FBXO33: variants seen among roughly 807,000 people sequenced by gnomAD.
The protein encoded by FBXO33 is F-box only protein 33.
Under a neutral mutation model 46.3 loss-of-function variants are expected in FBXO33, and 22 were observed. The ratio of observed to expected loss-of-function variants is 0.48; its 90% CI spans 0.34 to 0.68. FBXO33 has a LOEUF of 0.68. FBXO33 is among the 30% of genes least tolerant of loss of function. The pLI is 0.01. For synonymous variants in FBXO33, 337 were observed against 291.3 expected, an observed-to-expected ratio of 1.16 and a Z score of -1.60; for missense variants, 692 against 708.8, an observed-to-expected ratio of 0.98 and a Z score of 0.27.
intron 1 of FBXO33, among the ~76,000 whole-genome samples, chr14:39,428,587 A>G (rs968533787): frequency 1.3e-5 from 2 of 152,204 alleles, no homozygotes; most frequent in African/African-American, 4.8e-5. Flanking sequence ...ACATTTATAC[A>G]GCCCATAGAA....
chr14:39,416,938 G>A (rs2075451404), intron 1 of FBXO33, among the ~76,000 whole-genome samples: 1 of 152,038 alleles, frequency 6.6e-6, no homozygotes, highest in African/African-American at 2.4e-5. Flanking sequence ...CTGTGCCTTT[G>A]AAGAAACAGT....
intron 1 of FBXO33, among the ~76,000 whole-genome samples, chr14:39,408,860 T>C (rs2075410243): frequency 6.6e-6 from 1 of 151,962 alleles, no homozygotes; most frequent in African/African-American, 2.4e-5. Context: ...ACTGTAGCCT[T>C]GATCTCCTGG....
rs936262425 is a variant in FBXO33, at chr14:39,397,789, T to C, written c.*1727A>G. The C allele has an allele frequency of 6.6e-6, 1 of 152,648 alleles. No individual in the cohort carries two copies. 9.5% of individuals were successfully genotyped at this position (152,648 alleles called of 1,614,324 possible). Reference sequence around the variant, plus strand: ...ATGCTTTATTCATTGATTAAAAGAATATACATTTAACATAAACCATACAAC... The same window carrying C: ...ATGCTTTATTCATTGATTAAAAGAACATACATTTAACATAAACCATACAAC... On this transcript the variant is annotated 3_prime_UTR_variant, in exon 4 of 4. Transcript: ENST00000298097.
Position 39,397,895 on chromosome 14 carries a change from T to TA in FBXO33, c.*1620dup, listed in dbSNP as rs2075350311. 6.6e-6 allele frequency: 1 copy of TA among 152,648 alleles called. No individual in the cohort carries two copies. Among genetic ancestry groups the TA allele is most frequent in the African/African-American group, 2.4e-5 (1 of 41,456 alleles). The allele number at this position is 152,648 out of a possible 1,614,324, so 9.5% of individuals were successfully genotyped here. ...ATTTTATCTGATCACATTTATAAGA[T>TA]AAAATCTCACCACATCTGGCATTTA... On this transcript the variant is annotated 3_prime_UTR_variant, in exon 4 of 4. Coordinates refer to ENST00000298097, the MANE Select transcript of FBXO33 (RefSeq NM_203301.4).
chr14:39,429,600 C>T (rs2075533069), intron 1 of FBXO33, among the ~76,000 whole-genome samples: 1 of 152,134 alleles, frequency 6.6e-6, no homozygotes, highest in African/African-American at 2.4e-5. Context: ...TTCCAAAAAC[C>T]CTTTGATGTA....
chr14:39,429,236 G>T (rs2075531294), intron 1 of FBXO33, among the ~76,000 whole-genome samples: 1 of 152,150 alleles, frequency 6.6e-6, no homozygotes. Flanking sequence ...TGTATGAACT[G>T]TATAAAGGAA....
Position 39,431,804 on chromosome 14 carries a change from G to T in FBXO33, c.359C>A (p.Ala120Glu), listed in dbSNP as rs770188473. The T allele has an allele frequency of 6.2e-7, 1 of 1,611,544 alleles. No homozygotes were observed. The highest frequency in any genetic ancestry group is 2.2e-5 in the East Asian group (1 of 44,884). Residue 120 changes from alanine to glutamate, a missense_variant, in exon 1 of 4, where the codon GCG (alanine) becomes GAG (glutamate). Around this residue, in one of 3 missense-constraint regions of FBXO33, gnomAD observed 412 missense variants for 370.8 expected, o/e 1.11. Transcript: ENST00000298097. ...GAGGAATTCCAGCCGAGGCTGCTCC[G>T]CGGGCGAGACGCGGAGGCAGATGCG... ...QLRICLRVSP[A>E]EQPRLEFLMR...
chr14:39,404,573 G>A (rs1279307607), intron 1 of FBXO33, among the ~76,000 whole-genome samples: 2 of 151,904 alleles, frequency 1.3e-5, no homozygotes, highest in Admixed American at 6.5e-5. Flanking sequence ...TGATCCACCC[G>A]CCTTGGCCTC....
chr14:39,421,518 G>A (rs927081449), intron 1 of FBXO33, among the ~76,000 whole-genome samples: 3 of 151,996 alleles, frequency 2.0e-5, no homozygotes, highest in African/African-American at 7.3e-5. Flanking sequence ...GTTAGACCTA[G>A]GCAAATTTCA....
Position 39,399,720 on chromosome 14 carries a change from A to T in FBXO33, c.1464T>A (p.Leu488=). The change falls in exon 4 of 4, where the codon CTT becomes CTA. Residue 488 remains leucine (L), a synonymous_variant. Transcript: ENST00000298097. ...AATCAATGCTTTCTTCGGTGACTTC[A>T]AGCACTTTCAGATCAGAGCCCCGAA... The part of the protein sequence containing the change: ...ARLRGSDLKV[L]EVTEESIDFD... 1 of 1,613,970 alleles carries T rather than the reference A, an allele frequency of 6.2e-7. No individual in the cohort carries two copies. Among genetic ancestry groups the T allele is most frequent in the East Asian group, 2.2e-5 (1 of 44,886 alleles).
chr14:39,420,457 G>A lies in FBXO33; in HGVS notation c.599+11107C>T, dbSNP rs548608184. Among the ~76,000 whole-genome samples the A allele has an allele frequency of 3.9e-5, 6 of 152,248 alleles. No homozygotes were observed. The East Asian group carries it at 9.7e-4, about 25-fold the overall frequency. ...TGTAATCTCAGCGCTTTGGGAGGCC[G>A]GGGCGGGCGGATCACGAGGTCAGAT... On this transcript the variant is annotated intron_variant, in intron 1 of 3. Transcript: ENST00000298097.
intron 1 of FBXO33, among the ~76,000 whole-genome samples, chr14:39,416,043 CTATT>C (rs1224488239): frequency 1.3e-5 from 2 of 152,088 alleles, no homozygotes; most frequent in South Asian, 2.1e-4. Flanking sequence ...ATATTATTCT[CTATT>C]TGTTTATATA....
intron 1 of FBXO33, among the ~76,000 whole-genome samples, chr14:39,428,007 C>T (rs1191810407): frequency 6.6e-6 from 1 of 152,070 alleles, no homozygotes; most frequent in Non-Finnish European, 1.5e-5. Context: ...GTAAGATTCT[C>T]CTTCACTGTG....
chr14:39,401,743 C>T lies in FBXO33; in HGVS notation c.829G>A (p.Ala277Thr), dbSNP rs147025084. 5.5e-5 allele frequency: 89 copies of T among 1,614,058 alleles called. No individual in the cohort carries two copies. Among genetic ancestry groups the T allele is most frequent in the Non-Finnish European group, 7.3e-5 (86 of 1,180,044 alleles). Residue 277 changes from alanine to threonine, a missense_variant, in exon 3 of 4, where the codon GCC becomes ACC. Ala to Thr is a moderately conservative substitution (Grantham distance 58). This residue lies in a region of FBXO33 where 412 missense variants were observed against 370.8 expected (regional missense o/e 1.11). Transcript: ENST00000298097. Reference protein sequence around the residue: ...TSLSSLSNAVANTMEHLSLLD... With the variant: ...TSLSSLSNAVTNTMEHLSLLD... ...AAACTGAGGTGCTCCATGGTGTTGG[C>T]AACAGCATTAGAGAGAGATGACAGT... is the stretch of plus-strand genomic sequence containing the variant.
chr14:39,413,061 T>C (rs1450564003), intron 1 of FBXO33, among the ~76,000 whole-genome samples: 1 of 152,236 alleles, frequency 6.6e-6, no homozygotes, highest in Non-Finnish European at 1.5e-5. Flanking sequence ...TTGACTTCCT[T>C]TCATGAAAGA....
intron 1 of FBXO33, among the ~76,000 whole-genome samples, chr14:39,425,289 T>C (rs1165195896): frequency 6.6e-6 from 1 of 152,200 alleles, no homozygotes; most frequent in Non-Finnish European, 1.5e-5. Context: ...GGTAGTAAAC[T>C]TTGTTAAGTT....
chr14:39,410,902 A>G (rs2075419135), intron 1 of FBXO33, among the ~76,000 whole-genome samples: 1 of 151,788 alleles, frequency 6.6e-6, no homozygotes, highest in Admixed American at 6.6e-5. Flanking sequence ...CTTTTTTCTT[A>G]CTCTAAAGGT....
At chr14:39,410,772 T>C (rs1296649303) in intron 1 of FBXO33, among the ~76,000 whole-genome samples, 1 of 152,230 alleles carries the variant, frequency 6.6e-6, no homozygotes, top group Non-Finnish European at 1.5e-5. Flanking sequence ...TATGTTTCTA[T>C]GAATTTATTT....
intron 1 of FBXO33, among the ~76,000 whole-genome samples, chr14:39,428,165 T>C (rs1438077910): frequency 2.0e-5 from 3 of 152,256 alleles, no homozygotes; most frequent in East Asian, 1.9e-4. Context: ...AAAATCAATC[T>C]TGTACAAAAT....
Sources: gnomAD v4.1 joint callset for allele counts (sites outside exome capture counted in the v4.1 genomes callset) on GRCh38, gnomAD v4.1.1 for gene constraint, gnomAD v4.1.1 regional missense constraint, MANE v1.5 for transcripts, NCBI Gene and HGNC (gene_info 2026-07-23, HGNC 2026-07-21) for gene names.